ROCK1: variants seen among roughly 807,000 people sequenced by gnomAD.
The protein encoded by ROCK1 is Rho associated coiled-coil containing protein kinase 1.
A neutral mutation model predicts 196.8 loss-of-function variants in ROCK1; 36 were observed. The ratio of observed to expected loss-of-function variants is 0.18; its 90% CI spans 0.14 to 0.24. The LOEUF (loss-of-function observed/expected upper bound fraction) is 0.24, where lower values mean the gene tolerates loss of function less well. Ranked by LOEUF, ROCK1 falls within the 10% of genes least tolerant of loss-of-function variation. The pLI, the probability that ROCK1 is intolerant of heterozygous loss-of-function variation, is 1.00. For synonymous variants in ROCK1, 443 were observed against 515.9 expected (o/e 0.86, Z 1.91); for missense variants, 920 against 1,562.0 (o/e 0.59, Z 6.93).
chr18:20,959,221 T>A (rs2035302183), intron 29 of ROCK1, among the ~76,000 whole-genome samples: 1 of 87,956 alleles, frequency 1.1e-5, no homozygotes, highest in African/African-American at 4.4e-5. Context: ...TATATATATT[T>A]TTTTTTTGAG....
chr18:21,032,516 T>C (rs1186409700), intron 9 of ROCK1, among the ~76,000 whole-genome samples: 1 of 150,604 alleles, frequency 6.6e-6, no homozygotes, highest in Non-Finnish European at 1.5e-5. Flanking sequence ...GTTTTTTTTT[T>C]TTTTTTTTGA....
chr18:21,017,080 G>C (rs1402168057), intron 12 of ROCK1, among the ~76,000 whole-genome samples: 1 of 150,470 alleles, frequency 6.6e-6, no homozygotes, highest in African/African-American at 2.5e-5. Context: ...GACTCTTCTG[G>C]TTTAGCTTTC....
intron 1 of ROCK1, among the ~76,000 whole-genome samples, chr18:21,091,893 C>T (rs1386124309): frequency 1.4e-5 from 2 of 147,960 alleles, no homozygotes; most frequent in South Asian, 4.5e-4. Flanking sequence ...TCAGTTGAAC[C>T]GGGGGTGGGC....
At chr18:21,016,360 G>C (rs563438160) in intron 12 of ROCK1, among the ~76,000 whole-genome samples, 1 of 151,994 alleles carries the variant, frequency 6.6e-6, no homozygotes, top group South Asian at 2.1e-4. Context: ...TTCAGGTTAA[G>C]GATCCCTAAA....
chr18:21,025,231 G>T (rs570907195), intron 10 of ROCK1, among the ~76,000 whole-genome samples: 2 of 152,010 alleles, frequency 1.3e-5, no homozygotes, highest in Non-Finnish European at 2.9e-5. Flanking sequence ...TTTACAAAAC[G>T]GGAGTTACTA....
chr18:21,062,630 G>C (rs1415854734), intron 2 of ROCK1, among the ~76,000 whole-genome samples: 2 of 152,110 alleles, frequency 1.3e-5, no homozygotes, highest in Non-Finnish European at 2.9e-5. Flanking sequence ...AGTATGGAAA[G>C]GGAATACGCT....
chr18:21,083,014 A>G (rs1225881607), intron 1 of ROCK1, among the ~76,000 whole-genome samples: 1 of 152,226 alleles, frequency 6.6e-6, no homozygotes, highest in Non-Finnish European at 1.5e-5. Flanking sequence ...CAGGTTAGTC[A>G]ATACTCAAAA....
At chr18:21,052,113 G>C (rs940357055) in intron 2 of ROCK1, among the ~76,000 whole-genome samples, 3 of 152,158 alleles carry the variant, frequency 2.0e-5, no homozygotes, top group African/African-American at 7.2e-5. Flanking sequence ...GACAAAGACC[G>C]CAGACAAGTC....
intron 1 of ROCK1, among the ~76,000 whole-genome samples, chr18:21,082,157 T>C (rs1053091602): frequency 3.3e-5 from 5 of 152,056 alleles, no homozygotes; most frequent in African/African-American, 7.2e-5. Flanking sequence ...CAGGCTGGTC[T>C]TGAACTCCTG....
chr18:20,995,188 T>C (rs2035660330), intron 16 of ROCK1, among the ~76,000 whole-genome samples: 2 of 152,316 alleles, frequency 1.3e-5, no homozygotes, highest in Non-Finnish European at 1.5e-5. Flanking sequence ...GTTCTCACCA[T>C]AGAGAAATGA....
intron 12 of ROCK1, among the ~76,000 whole-genome samples, chr18:21,019,533 C>A (rs1328573301): frequency 6.6e-6 from 1 of 152,024 alleles, no homozygotes; most frequent in African/African-American, 2.4e-5. Context: ...GTGGCTCACA[C>A]CTGTAATCCC....
In ROCK1 at chr18:20,986,956, C is replaced by T. The variant is rs2035583396; in HGVS notation, c.2298G>A (p.Glu766=). The change falls in exon 19 of 33, where the codon GAG becomes GAA. Residue 766 remains glutamate (E), a synonymous_variant. Transcript: ENST00000399799. ...TCAGTACTATTTTTCTTACTTCATCCTCCATCCTTTCTTTATTTCCAGTCA... is the reference window on the plus strand; with the variant it reads ...TCAGTACTATTTTTCTTACTTCATCTTCCATCCTTTCTTTATTTCCAGTCA... ...EHLTGNKERM[E]DEVKNLTLQL... is the part of the protein sequence containing the mutation. The T allele has an allele frequency of 4.4e-6, 7 of 1,592,420 alleles. No individual in the cohort carries two copies. Among genetic ancestry groups the T allele is most frequent in the Non-Finnish European group, 6.0e-6 (7 of 1,173,526 alleles).
chr18:20,965,985 CACAATA>C (rs1386873888), intron 27 of ROCK1, among the ~76,000 whole-genome samples: 16 of 152,130 alleles, frequency 1.1e-4, no homozygotes, highest in African/African-American at 3.9e-4. Context: ...ATATCAAATT[CACAATA>C]ACAAGTAATA....
At chr18:20,960,611 T>A (rs1257503250) in intron 27 of ROCK1, 1 of 157,942 alleles carries the variant, frequency 6.3e-6, no homozygotes, top group African/African-American at 2.4e-5. Context: ...ATCAGAGCCA[T>A]GATTTACACA....
rs1343793779 is a variant in ROCK1 at position 21,097,939 on chromosome 18, G to C, written c.93+12879C>G. Among the ~76,000 whole-genome samples, 6 of 152,358 alleles carry C rather than the reference G, an allele frequency of 3.9e-5. No homozygotes were observed. The East Asian group carries it at 1.2e-3, about 29-fold the overall frequency. On this transcript the variant is annotated intron_variant, in intron 1 of 32. Coordinates refer to ENST00000399799, the MANE Select transcript of ROCK1 (RefSeq NM_005406.3). ...AATTCATGCCTGACAAGGCAGTTCT[G>C]CTGGTGTCATGTAATCCTTACAACA...
intron 1 of ROCK1, among the ~76,000 whole-genome samples, chr18:21,083,045 C>T (rs1221481829): frequency 6.6e-6 from 1 of 152,078 alleles, no homozygotes; most frequent in African/African-American, 2.4e-5. Flanking sequence ...TTTCTATATA[C>T]TAACAGTGAA....
intron 1 of ROCK1, among the ~76,000 whole-genome samples, chr18:21,100,996 C>T (rs2143600857): frequency 6.6e-6 from 1 of 152,308 alleles, no homozygotes; most frequent in East Asian, 1.9e-4. Context: ...CAGTCCTTTA[C>T]TTAAACTCCC....
chr18:21,084,454 A>T (rs1481613477), intron 1 of ROCK1, among the ~76,000 whole-genome samples: 1 of 152,218 alleles, frequency 6.6e-6, no homozygotes, highest in East Asian at 1.9e-4. Context: ...CAAAAACTTG[A>T]ATAAAAACGT....
chr18:21,069,904 C>A (rs913408218), intron 2 of ROCK1, among the ~76,000 whole-genome samples: 1 of 151,814 alleles, frequency 6.6e-6, no homozygotes, highest in East Asian at 1.9e-4. Flanking sequence ...TTAAAAAATT[C>A]TAATACAAGA....
Sources: allele counts gnomAD v4.1 joint callset (sites outside exome capture counted in the v4.1 genomes callset), GRCh38; gene constraint gnomAD v4.1.1; transcripts MANE v1.5; gene names NCBI Gene and HGNC (gene_info 2026-07-23, HGNC 2026-07-21).